The following USP9X variants were observed in gnomAD, a reference collection of about 807,000 sequenced individuals.
USP9X encodes ubiquitin specific peptidase 9 X-linked.
In USP9X, 7 loss-of-function variants were observed where a neutral mutation model predicts 190.3. That is an observed-to-expected ratio of 0.04 (90% CI 0.02 to 0.07). The LOEUF is 0.07. Among genes scored for constraint, USP9X ranks in the 10% least tolerant of loss-of-function variants. The probability of loss-of-function intolerance (pLI) is 1.00; values close to 1 mark genes in which losing one functional copy is unlikely to be tolerated. For synonymous variants in USP9X, 645 were observed against 659.5 expected (o/e 0.98, Z 0.34); for missense variants, 1,010 against 1,916.9 (o/e 0.53, Z 8.83).
intron 15 of USP9X, among the ~76,000 whole-genome samples, chrX:41,163,270 C>T (rs1230673837): frequency 9.0e-6 from 1 of 110,954 alleles, no homozygotes; most frequent in Non-Finnish European, 1.9e-5. Context: ...GGTTGGAGTC[C>T]TCTGGTATCT....
chrX:41,106,686 C>A (rs184132401), intron 1 of USP9X, among the ~76,000 whole-genome samples: 47 of 106,256 alleles, frequency 4.4e-4, no homozygotes, highest in Admixed American at 1.0e-3. Flanking sequence ...CCTGCCACCA[C>A]GCCCAGCTAC....
At chrX:41,151,837 C>T (rs1359548466) in intron 13 of USP9X, among the ~76,000 whole-genome samples, 2 of 111,966 alleles carry the variant, frequency 1.8e-5, no homozygotes, top group African/African-American at 3.3e-5. Flanking sequence ...AAAAATTAGC[C>T]GGGCGTGGTG....
intron 3 of USP9X, 63 bp from the exon 4 acceptor site, chrX:41,131,394 C>T (rs779874444): frequency 1.5e-4 from 130 of 849,628 alleles, no homozygotes; most frequent in Non-Finnish European, 2.1e-4. Flanking sequence ...ATTAGTAGCT[C>T]ATTTGTAGTG....
chrX:41,182,855 T>A (rs1252460911), intron 21 of USP9X, among the ~76,000 whole-genome samples: 1 of 111,231 alleles, frequency 9.0e-6, no homozygotes, highest in African/African-American at 3.3e-5. Flanking sequence ...AAGTGACAGT[T>A]TCAACACAAA....
intron 21 of USP9X, among the ~76,000 whole-genome samples, chrX:41,181,435 CTTTTTTTT>C (rs200403625): frequency 7.8e-5 from 3 of 38,575 alleles, no homozygotes; most frequent in Non-Finnish European, 1.6e-4. Context: ...CCACACCTGA[CTTTTTTTT>C]TTTTTTTTTT....
chrX:41,208,307 G>A (rs1336110665), intron 32 of USP9X, among the ~76,000 whole-genome samples: 1 of 112,498 alleles, frequency 8.9e-6, no homozygotes, highest in East Asian at 2.8e-4. Context: ...TTACAGGCGA[G>A]AGCCACTGCG....
chrX:41,100,038 C>T (rs2062023574), intron 1 of USP9X, among the ~76,000 whole-genome samples: 1 of 111,880 alleles, frequency 8.9e-6, no homozygotes, highest in African/African-American at 3.3e-5. Flanking sequence ...TTTTACCTAC[C>T]CCCTTCCATT....
chrX:41,125,676 A>ACTCT (rs1569158725), intron 2 of USP9X, among the ~76,000 whole-genome samples: 11 of 41,732 alleles, frequency 2.6e-4, no homozygotes, highest in African/African-American at 1.0e-3. Context: ...ACACACACAC[A>ACTCT]CACACACACT....
At chrX:41,092,998 G>A (rs920781976) in intron 1 of USP9X, among the ~76,000 whole-genome samples, 2 of 110,996 alleles carry the variant, frequency 1.8e-5, no homozygotes, top group Non-Finnish European at 1.9e-5. Flanking sequence ...TCAGCCTGCC[G>A]AGTAAGTAGG....
intron 21 of USP9X, among the ~76,000 whole-genome samples, chrX:41,180,458 T>C (rs991051685): frequency 1.2e-4 from 14 of 112,415 alleles, no homozygotes; most frequent in African/African-American, 3.9e-4. Flanking sequence ...TTTCTTCATG[T>C]TTTATATAAT....
rs1299724972 is a variant in USP9X, at chrX:41,184,122, A to G, written c.3273A>G (p.Leu1091=). ...CTTCAGCCTCACAAGTGCTATATCTAACAGAGGTTAGTTTTTGGGGTTTTT... is the reference window on the plus strand; with the variant it reads ...CTTCAGCCTCACAAGTGCTATATCTGACAGAGGTTAGTTTTTGGGGTTTTT... ...FGPSASQVLY[L]TEVVYALLMP... Residue 1091 remains leucine, a synonymous_variant, in exon 22 of 45, where the codon CTA becomes CTG. Transcript: ENST00000378308. 8.4e-7 allele frequency: 1 copy of G among 1,193,997 alleles called. No individual in the cohort carries two copies. Among genetic ancestry groups the G allele is most frequent in the African/African-American group, 1.8e-5 (1 of 56,359 alleles).
chrX:41,225,275 ATAAC>A, intron 41 of USP9X, 138 bp downstream of exon 41: 1 of 484,397 alleles, frequency 2.1e-6, no homozygotes, highest in Non-Finnish European at 3.4e-6. Context: ...ACAAGGGTAA[ATAAC>A]AGGTTCTCCC....
chrX:41,125,684 A>ACACACTCTCTCTCTCT, intron 2 of USP9X, among the ~76,000 whole-genome samples: 4 of 19,023 alleles, frequency 2.1e-4, no homozygotes, highest in Admixed American at 7.6e-4. Flanking sequence ...ACACACACAC[A>ACACACTCTCTCTCTCT]CTCTCTCTCT....
chrX:41,149,789 C>T (rs781613290), intron 12 of USP9X, among the ~76,000 whole-genome samples: 10 of 109,674 alleles, frequency 9.1e-5, no homozygotes, highest in East Asian at 2.9e-4. Context: ...CTGCAACCTC[C>T]GCCTCCCAGG....
rs772490507 is a variant in USP9X at position 41,184,387 on chromosome X, A to G, written c.3280-10A>G. ...ATACAGCCCTCTCCCCCTCTTCTCT[A>G]TTTTTCCAGGTAGTCTATGCCTTGT... On this transcript the variant is annotated splice_polypyrimidine_tract_variant and intron_variant, in intron 22 of 44. Transcript: ENST00000378308. 11 of 1,203,283 alleles carry G rather than the reference A, an allele frequency of 9.1e-6. No homozygotes were observed. The highest frequency in any genetic ancestry group is 1.8e-5 in the South Asian group (1 of 56,040).
chrX:41,164,205 T>C (rs188070513), intron 15 of USP9X, among the ~76,000 whole-genome samples: 210 of 111,643 alleles, frequency 1.9e-3, no homozygotes, highest in African/African-American at 6.5e-3. Flanking sequence ...GGTAGTTTTG[T>C]CCTGGGCTGT....
intron 14 of USP9X, among the ~76,000 whole-genome samples, chrX:41,156,641 C>T (rs1280092381): frequency 8.9e-6 from 1 of 111,758 alleles, no homozygotes; most frequent in Admixed American, 9.5e-5. Context: ...AACACCAGCA[C>T]CTGCTCTTAA....
chrX:41,153,855 T>A (rs994214787), intron 14 of USP9X, among the ~76,000 whole-genome samples: 6 of 112,080 alleles, frequency 5.4e-5, no homozygotes, highest in African/African-American at 1.9e-4. Context: ...AGTTATAGAG[T>A]TAAACATACT....
intron 6 of USP9X, among the ~76,000 whole-genome samples, chrX:41,140,358 T>C (rs1358231452): frequency 3.6e-5 from 4 of 111,887 alleles, no homozygotes; most frequent in Non-Finnish European, 7.5e-5. Context: ...TAGAAGGTAT[T>C]CATTCTTATA....
Sources: gnomAD v4.1 joint callset for allele counts (sites outside exome capture counted in the v4.1 genomes callset) on GRCh38, gnomAD v4.1.1 for gene constraint, MANE v1.5 for transcripts, NCBI Gene and HGNC (gene_info 2026-07-23, HGNC 2026-07-21) for gene names.